TNS4: variants seen among roughly 807,000 people sequenced by gnomAD.
TNS4 encodes tensin-4.
A neutral mutation model predicts 70.4 loss-of-function variants in TNS4; 46 were observed. The observed-to-expected ratio is 0.65, with a 90% CI of 0.52 to 0.84. The LOEUF (loss-of-function observed/expected upper bound fraction) is 0.84. Ranked by LOEUF, TNS4 falls within the 40% of genes least tolerant of loss-of-function variation. The probability of loss-of-function intolerance (pLI) is 0.00; values close to 1 mark genes in which losing one functional copy is unlikely to be tolerated. For synonymous variants in TNS4, 390 were observed against 366.6 expected, an observed-to-expected ratio of 1.06 and a Z score of -0.73; for missense variants, 863 against 907.0, an observed-to-expected ratio of 0.95 and a Z score of 0.62.
chr17:40,485,906 C>A (rs1047743724), intron 4 of TNS4, among the ~76,000 whole-genome samples: 2 of 152,232 alleles, frequency 1.3e-5, no homozygotes, highest in African/African-American at 4.8e-5. Context: ...TGCAAAGGCA[C>A]GCCAGAAGTG....
chr17:40,493,348 A>T (rs775354454), intron 2 of TNS4, among the ~76,000 whole-genome samples: 8 of 152,118 alleles, frequency 5.3e-5, no homozygotes, highest in Non-Finnish European at 1.2e-4. Context: ...ATGGCAGGGG[A>T]TCCTCCACTC....
At chr17:40,482,024 C>T (rs987389819) in intron 8 of TNS4, 105 bp downstream of exon 8, 60 of 1,303,636 alleles carry the variant, frequency 4.6e-5, no homozygotes, top group South Asian at 8.2e-5. Flanking sequence ...CAGTTTTAAC[C>T]GTGACACTAA....
intron 2 of TNS4, among the ~76,000 whole-genome samples, chr17:40,495,044 G>T (rs79010651): frequency 2.3e-3 from 353 of 151,948 alleles, no homozygotes; most frequent in Non-Finnish European, 4.1e-3. Flanking sequence ...CCCTGGAATT[G>T]GCTTGTATCA....
At chr17:40,485,185 C>G (rs2035975491) in intron 4 of TNS4, among the ~76,000 whole-genome samples, 178 bp from the exon 5 acceptor site, 1 of 152,188 alleles carries the variant, frequency 6.6e-6, no homozygotes, top group Admixed American at 6.5e-5. Flanking sequence ...GAAAATCAAA[C>G]AGAAGGATGC....
At chr17:40,481,140 C>G (rs2035916828) in intron 8 of TNS4, among the ~76,000 whole-genome samples, 1 of 152,120 alleles carries the variant, frequency 6.6e-6, no homozygotes, top group African/African-American at 2.4e-5. Flanking sequence ...GGCTCCCTTG[C>G]CTTGATGCCC....
In TNS4 at chr17:40,496,259, G is replaced by T. The variant is rs2036142310; in HGVS notation, c.167C>A (p.Pro56His). Residue 56 changes from proline (P) to histidine (H), a missense_variant, in exon 2 of 13, where the codon CCC becomes CAC. By Grantham distance (77) the Pro-to-His change is moderately conservative (BLOSUM62 -2). Transcript: ENST00000254051. ...EGWGAQALMAPVPCMGPPGRL... is the reference protein window; with the variant it reads ...EGWGAQALMAHVPCMGPPGRL... ...GCCAGGGGGCCCCATGCAGGGCACG[G>T]GGGCCATCAGGGCCTGGGCTCCCCA... 6.2e-7 allele frequency: 1 copy of T among 1,604,400 alleles called. No individual in the cohort carries two copies. Among genetic ancestry groups the T allele is most frequent in the African/African-American group, 1.3e-5 (1 of 74,756 alleles).
At chr17:40,477,882 C>T (rs2035869341) in intron 12 of TNS4, 153 bp from the exon 13 acceptor site, 1 of 685,184 alleles carries the variant, frequency 1.5e-6, no homozygotes, top group Admixed American at 2.8e-5. Flanking sequence ...GGTGGGGCTC[C>T]CTGGGGAAGG....
intron 8 of TNS4, chr17:40,480,994 C>T (rs1408991416): frequency 9.6e-6 from 5 of 522,166 alleles, no homozygotes; most frequent in East Asian, 3.7e-5. Context: ...ATCCCCTCCT[C>T]GCCCCCCCAC....
rs576675003 is a variant in TNS4, at chr17:40,500,117, C to T, written c.-96+1417G>A. The stretch of plus-strand genomic sequence containing the variant: ...GAATTTGCCCAAGGTCATACAACCC[C>T]AACTGTGAATTGGGGTTTAAACCCA... On this transcript the variant is annotated intron_variant, in intron 1 of 12. Coordinates refer to ENST00000254051, the MANE Select transcript of TNS4 (RefSeq NM_032865.6). Among the ~76,000 whole-genome samples, 4 of 152,296 alleles carry T rather than the reference C, an allele frequency of 2.6e-5. No homozygotes were observed. The East Asian group carries it at 7.7e-4, about 29-fold the overall frequency.
Position 40,476,429 on chromosome 17 carries a change from T to TGTGTGTGTGTGTG in TNS4, c.*1158_*1159insCACACACACACAC, listed in dbSNP as rs2035850100. 2.7e-4 allele frequency: 22 copies of TGTGTGTGTGTGTG among 81,954 alleles called. No individual in the cohort carries two copies. Among genetic ancestry groups the TGTGTGTGTGTGTG allele is most frequent in the Admixed American group, 1.8e-3 (17 of 9,236 alleles). 5.1% of individuals were successfully genotyped at this position (81,954 alleles called of 1,614,324 possible). On this transcript the variant is annotated 3_prime_UTR_variant, in exon 13 of 13. Transcript: ENST00000254051. ...GTGTGTGTGTGTGTGTGTGTGTGTGTTGGAGCGTGGGTTGGGGGAGGGCTC... is the reference window on the plus strand; with the variant it reads ...GTGTGTGTGTGTGTGTGTGTGTGTGTGTGTGTGTGTGTGTGGAGCGTGGGTTGGGGGAGGGCTC...
intron 10 of TNS4, 54 bp downstream of exon 10, chr17:40,479,620 C>A: frequency 6.4e-7 from 1 of 1,574,710 alleles, no homozygotes; most frequent in Non-Finnish European, 8.6e-7. Context: ...TCAGCTATCC[C>A]CTCCAGCTCT....
chr17:40,478,563 C>T lies in TNS4; in HGVS notation c.1979+17G>A, dbSNP rs1487699781. On this transcript the variant is annotated intron_variant, in intron 11 of 12. Transcript: ENST00000254051. ...GCCCTGGACAGCCTTCTTAGTTTGGCCCAGCCTTGAACTTACTTCCGTTGC... is the reference window on the plus strand; with the variant it reads ...GCCCTGGACAGCCTTCTTAGTTTGGTCCAGCCTTGAACTTACTTCCGTTGC... The T allele has an allele frequency of 2.5e-6, 4 of 1,613,910 alleles. No individual in the cohort carries two copies. The highest frequency in any genetic ancestry group is 3.4e-6 in the Non-Finnish European group (4 of 1,179,810).
intron 3 of TNS4, 90 bp from the exon 4 acceptor site, chr17:40,487,550 A>G (rs1376883410): frequency 1.1e-5 from 16 of 1,438,702 alleles, no homozygotes; most frequent in Non-Finnish European, 1.5e-5. Context: ...CTGGGTTCCC[A>G]TGGCTTTAAA....
rs757603813 is a variant in TNS4 at position 40,484,477 on chromosome 17, C to T, written c.1501+7G>A. On this transcript the variant is annotated splice_region_variant and intron_variant, in intron 6 of 12. Transcript: ENST00000254051. ...GGCCTTGAGTGAGCACAGAGACAGA[C>T]GCATACCTGGTCGACTCTGAGCAGA... is the stretch of plus-strand genomic sequence containing the variant. 61 of 1,608,974 alleles carry T rather than the reference C, an allele frequency of 3.8e-5. No homozygotes were observed. Among genetic ancestry groups the T allele is most frequent in the South Asian group, 5.5e-5 (5 of 91,080 alleles).
At chr17:40,489,717 C>G (rs1043859902) in intron 2 of TNS4, among the ~76,000 whole-genome samples, 2 of 149,310 alleles carry the variant, frequency 1.3e-5, no homozygotes, top group African/African-American at 5.0e-5. Flanking sequence ...ATCGCTTGAA[C>G]CCGGGAGGCA....
chr17:40,499,556 C>T (rs774511210), intron 1 of TNS4, among the ~76,000 whole-genome samples: 2 of 152,212 alleles, frequency 1.3e-5, no homozygotes, highest in Non-Finnish European at 2.9e-5. Context: ...AAGCCAGGGC[C>T]CCTTCCCCTC....
chr17:40,478,311 A>G lies in TNS4; in HGVS notation c.2002T>C (p.Ser668Pro), dbSNP rs2035876184. 1 of 1,610,898 alleles carries G rather than the reference A, an allele frequency of 6.2e-7. No individual in the cohort carries two copies. Among genetic ancestry groups the G allele is most frequent in the South Asian group, 1.1e-5 (1 of 90,626 alleles). ...QRKWQKYCKPSWIFGFVAKSQ... is the reference protein window; with the variant it reads ...QRKWQKYCKPPWIFGFVAKSQ... ...CCTGAGACAGGAAGGCCTTACCAGG[A>G]GGGTTTGCAGTACTTCTGCCACCTG... The change falls in exon 12 of 13, where the codon TCC (serine) becomes CCC (proline). Residue 668 changes from serine to proline, a missense_variant. Coordinates refer to ENST00000254051, the MANE Select transcript of TNS4 (RefSeq NM_032865.6).
intron 8 of TNS4, 66 bp from the exon 9 acceptor site, chr17:40,480,834 A>G: frequency 6.5e-7 from 1 of 1,547,544 alleles, no homozygotes; most frequent in Non-Finnish European, 8.8e-7. Context: ...CCCCTCTCAC[A>G]GGAACAGGCC....
At chr17:40,487,551 T>C (rs1286850168) in intron 3 of TNS4, 91 bp from the exon 4 acceptor site, 4 of 1,438,056 alleles carry the variant, frequency 2.8e-6, no homozygotes, top group Non-Finnish European at 3.8e-6. Flanking sequence ...TGGGTTCCCA[T>C]GGCTTTAAAG....
Sources: allele counts gnomAD v4.1 joint callset (sites outside exome capture counted in the v4.1 genomes callset), GRCh38; gene constraint gnomAD v4.1.1; transcripts MANE v1.5; gene names NCBI Gene and HGNC (gene_info 2026-07-23, HGNC 2026-07-21).